FEZ2: variants seen among roughly 807,000 people sequenced by gnomAD.
The protein encoded by FEZ2 is fasciculation and elongation protein zeta 2.
A neutral mutation model predicts 40.4 loss-of-function variants in FEZ2; 51 were observed. The observed-to-expected ratio is 1.26, with a 90% confidence interval of 1.01 to 1.59. FEZ2 has a LOEUF of 1.59. FEZ2 is among the 40% of genes most tolerant of loss of function. The probability of loss-of-function intolerance (pLI) is 0.00; values close to 1 mark genes in which losing one functional copy is unlikely to be tolerated. For missense variants in FEZ2, 640 were observed against 438.3 expected (o/e 1.46, Z -4.11); for synonymous variants, 242 against 172.0 (o/e 1.41, Z -3.18).
At chr2:36,576,000 A>G (rs1212223815) in intron 5 of FEZ2, among the ~76,000 whole-genome samples, 1 of 152,254 alleles carries the variant, frequency 6.6e-6, no homozygotes, top group Admixed American at 6.5e-5. Context: ...TGTTATTGGA[A>G]AAACAGGTAA....
intron 5 of FEZ2, among the ~76,000 whole-genome samples, chr2:36,565,756 C>G (rs1008021541): frequency 5.3e-5 from 8 of 152,166 alleles, no homozygotes; most frequent in Non-Finnish European, 1.2e-4. Flanking sequence ...GGTTTCTCCA[C>G]GTTGACACTA....
Position 36,578,840 on chromosome 2 carries a change from C to T in FEZ2, c.660G>A (p.Glu220=), listed in dbSNP as rs1289280369. ...EERVKRLSVS[E]LNEILEEIET... ...CAATTTCTTCCAGGATTTCATTTAA[C>T]TCAGACACTGAGAGCCTTTTCACTC... is the stretch of plus-strand genomic sequence containing the variant. Residue 220 remains glutamate, a synonymous_variant, in exon 5 of 8, where the codon GAG becomes GAA. Coordinates refer to ENST00000405912, the MANE Select transcript of FEZ2 (RefSeq NM_005102.3). The T allele has an allele frequency of 1.3e-5, 21 of 1,612,604 alleles. No homozygotes were observed. In the East Asian group the frequency reaches 2.7e-4, roughly 21 times the overall value.
chr2:36,558,223 A>C, intron 6 of FEZ2: 1 of 347,608 alleles, frequency 2.9e-6, no homozygotes. Context: ...TCACAAGGTA[A>C]GAAAAACAGA....
chr2:36,596,758 G>T (rs960544613), intron 1 of FEZ2, among the ~76,000 whole-genome samples: 2 of 152,044 alleles, frequency 1.3e-5, no homozygotes, highest in Non-Finnish European at 2.9e-5. Flanking sequence ...GTGAGCCACC[G>T]CGCCCAATCT....
rs528598934 is a variant in FEZ2 at position 36,573,461 on chromosome 2, C to G, written c.903+5136G>C. Among the ~76,000 whole-genome samples the G allele has an allele frequency of 1.8e-4, 27 of 152,294 alleles. No homozygotes were observed. The East Asian group carries it at 4.8e-3, about 27-fold the overall frequency. Reference sequence around the variant, plus strand: ...TCTGATGTAACAGAAGCCTGGCTCCCCCAATAAAAATCCCCAATAGAACAA... The same window carrying G: ...TCTGATGTAACAGAAGCCTGGCTCCGCCAATAAAAATCCCCAATAGAACAA... On this transcript the variant is annotated intron_variant, in intron 5 of 7. Coordinates refer to ENST00000405912, the MANE Select transcript of FEZ2 (RefSeq NM_005102.3).
intron 2 of FEZ2, among the ~76,000 whole-genome samples, chr2:36,586,219 T>G (rs1001001911): frequency 6.6e-6 from 1 of 152,210 alleles, no homozygotes; most frequent in Admixed American, 6.5e-5. Context: ...GTTTCATCGA[T>G]CCTTACACTT....
chr2:36,586,541 C>A (rs1195647123), intron 2 of FEZ2, among the ~76,000 whole-genome samples: 42 of 151,456 alleles, frequency 2.8e-4, no homozygotes, highest in Admixed American at 2.8e-3. Flanking sequence ...GTGGGAGGAT[C>A]ACTTGAGCCC....
intron 5 of FEZ2, chr2:36,560,839 A>G (rs1400050838): frequency 3.1e-6 from 5 of 1,611,138 alleles, no homozygotes; most frequent in Non-Finnish European, 3.4e-6. Context: ...TCTGAATGAC[A>G]TTTGAGATCC....
At chr2:36,581,228 A>G in intron 4 of FEZ2, 62 bp downstream of exon 4, 2 of 1,442,906 alleles carry the variant, frequency 1.4e-6, no homozygotes, top group Non-Finnish European at 1.9e-6. Context: ...GGAGATGATC[A>G]TACTATACAT....
chr2:36,573,599 G>A (rs1424885284), intron 5 of FEZ2, among the ~76,000 whole-genome samples: 2 of 152,242 alleles, frequency 1.3e-5, no homozygotes, highest in African/African-American at 4.8e-5. Context: ...GAAATTAGGT[G>A]AGGTGCTGGG....
At chr2:36,570,476 A>G (rs953239955) in intron 5 of FEZ2, among the ~76,000 whole-genome samples, 1 of 152,222 alleles carries the variant, frequency 6.6e-6, no homozygotes, top group Non-Finnish European at 1.5e-5. Flanking sequence ...CAAAACCACT[A>G]AAACTAGAAT....
In FEZ2 at chr2:36,555,902, C is replaced by A. The variant is rs1011009084; in HGVS notation, c.980-154G>T. 3 of 671,664 alleles carry A rather than the reference C, an allele frequency of 4.5e-6. No homozygotes were observed. The South Asian group carries it at 5.1e-5, about 11-fold the overall frequency. 41.6% of individuals were successfully genotyped at this position (671,664 alleles called of 1,614,324 possible). Reference sequence around the variant, plus strand: ...TGATTTTCCTGATAAGGGGATACAACAATAAAGGCCCAATAATTTATTTTA... The same window carrying A: ...TGATTTTCCTGATAAGGGGATACAAAAATAAAGGCCCAATAATTTATTTTA... On this transcript the variant is annotated intron_variant, in intron 6 of 7. Coordinates refer to ENST00000405912, the MANE Select transcript of FEZ2 (RefSeq NM_005102.3).
At chr2:36,566,764 C>G (rs919239676) in intron 5 of FEZ2, among the ~76,000 whole-genome samples, 2 of 152,212 alleles carry the variant, frequency 1.3e-5, no homozygotes, top group Admixed American at 6.5e-5. Context: ...AGCTTTGCCA[C>G]TAATTGTGTG....
In FEZ2 at chr2:36,578,706, T is replaced by G. The variant is rs1200009203; in HGVS notation, c.794A>C (p.Glu265Ala). The change falls in exon 5 of 8, where the codon GAA (glutamate) becomes GCA (alanine). Residue 265 changes from glutamate to alanine, a missense_variant. Physicochemically the swap from Glu to Ala is moderately radical, Grantham distance 107 (BLOSUM62 -1). Transcript: ENST00000405912. ...GTGCTCTTTCTGTTTGTTTTGCACTTCAATAAGAACAGAAATAAAGCTGTT... is the reference window on the plus strand; with the variant it reads ...GTGCTCTTTCTGTTTGTTTTGCACTGCAATAAGAACAGAAATAAAGCTGTT... ...VKNSFISVLI[E>A]VQNKQKEHKE... 1 of 1,614,002 alleles carries G rather than the reference T, an allele frequency of 6.2e-7. No homozygotes were observed. Among genetic ancestry groups the G allele is most frequent in the Non-Finnish European group, 8.5e-7 (1 of 1,179,876 alleles).
At chr2:36,577,414 C>T (rs1668605983) in intron 5 of FEZ2, among the ~76,000 whole-genome samples, 1 of 152,144 alleles carries the variant, frequency 6.6e-6, no homozygotes, top group Non-Finnish European at 1.5e-5. Context: ...TGCAGCACCA[C>T]ACCCGGCTAA....
At chr2:36,569,868 G>A (rs889775151) in intron 5 of FEZ2, among the ~76,000 whole-genome samples, 4 of 152,110 alleles carry the variant, frequency 2.6e-5, no homozygotes, top group Admixed American at 2.0e-4. Context: ...AGCACTCAAG[G>A]AATGCTTTTC....
At chr2:36,579,997 A>G (rs1249374392) in intron 4 of FEZ2, among the ~76,000 whole-genome samples, 2 of 152,184 alleles carry the variant, frequency 1.3e-5, no homozygotes, top group African/African-American at 4.8e-5. Context: ...CAGTAGGAAG[A>G]CCACGTGAAG....
At chr2:36,592,446 G>A (rs781308708) in intron 1 of FEZ2, among the ~76,000 whole-genome samples, 11 of 152,038 alleles carry the variant, frequency 7.2e-5, no homozygotes, top group Non-Finnish European at 1.5e-4. Flanking sequence ...GGGATTGGGC[G>A]CTAAAAAGAA....
chr2:36,555,919 T>C (rs1667947834), intron 6 of FEZ2, 171 bp from the exon 7 acceptor site: 1 of 677,378 alleles, frequency 1.5e-6, no homozygotes. Flanking sequence ...GGCCCAATAA[T>C]TTATTTTAGT....
Sources: gnomAD v4.1 joint callset for allele counts (sites outside exome capture counted in the v4.1 genomes callset) on GRCh38, gnomAD v4.1.1 for gene constraint, MANE v1.5 for transcripts, NCBI Gene and HGNC (gene_info 2026-07-23, HGNC 2026-07-21) for gene names.